DSCAML1: variants seen among roughly 807,000 people sequenced by gnomAD.
DSCAML1 encodes the protein DS cell adhesion molecule like 1.
A neutral mutation model predicts 200.5 loss-of-function variants in DSCAML1; 38 were observed. The observed-to-expected ratio is 0.19, with a 90% CI of 0.15 to 0.25. DSCAML1 has a LOEUF of 0.25. DSCAML1 is among the 10% of genes least tolerant of loss of function. DSCAML1 has a pLI of 1.00. For synonymous variants in DSCAML1, 1,215 were observed against 1,165.0 expected, an observed-to-expected ratio of 1.04 and a Z score of -0.87; for missense variants, 2,223 against 2,858.8, an observed-to-expected ratio of 0.78 and a Z score of 5.07.
chr11:117,576,150 G>A (rs935785455), intron 3 of DSCAML1, among the ~76,000 whole-genome samples: 3 of 152,162 alleles, frequency 2.0e-5, no homozygotes, highest in African/African-American at 4.8e-5. Flanking sequence ...TGAGGCTGCT[G>A]TACCCTTACC....
At chr11:117,473,991 AGGAGAG>A (rs1426232263) in intron 14 of DSCAML1, among the ~76,000 whole-genome samples, 1 of 152,010 alleles carries the variant, frequency 6.6e-6, no homozygotes, top group Non-Finnish European at 1.5e-5. Flanking sequence ...CCATGTTTAT[AGGAGAG>A]GGAGAGGGAG....
At chr11:117,663,541 C>T (rs2052907744) in intron 3 of DSCAML1, among the ~76,000 whole-genome samples, 1 of 151,964 alleles carries the variant, frequency 6.6e-6, no homozygotes, top group African/African-American at 2.4e-5. Flanking sequence ...ACTTCCTGCC[C>T]CTCTCCCACT....
rs2048484765 is a variant in DSCAML1, at chr11:117,461,610, G to A, written c.3266-14C>T. 6.2e-7 allele frequency: 1 copy of A among 1,608,220 alleles called. No homozygotes were observed. Among genetic ancestry groups the A allele is most frequent in the Non-Finnish European group, 8.5e-7 (1 of 1,179,310 alleles). ...GCTGGCTGGGCACTGCAGGGGGTAGGGGGAGAACCAAGGGTCCAGTCAGTC... is the reference window on the plus strand; with the variant it reads ...GCTGGCTGGGCACTGCAGGGGGTAGAGGGAGAACCAAGGGTCCAGTCAGTC... On this transcript the variant is annotated splice_polypyrimidine_tract_variant and intron_variant, in intron 17 of 32. Coordinates refer to ENST00000651296, the MANE Select transcript of DSCAML1 (RefSeq NM_020693.4).
rs547083334 is a variant in DSCAML1 at position 117,547,202 on chromosome 11, A to G, written c.512-14680T>C. Among the ~76,000 whole-genome samples the G allele has an allele frequency of 3.9e-5, 6 of 152,296 alleles. No individual in the cohort carries two copies. The East Asian group carries it at 1.2e-3, about 29-fold the overall frequency. ...AGCCCAGCCGGGGGCGACAGCCTCCAACCCTCCCCAGAGCCCCCACCCCCA... is the reference window on the plus strand; with the variant it reads ...AGCCCAGCCGGGGGCGACAGCCTCCGACCCTCCCCAGAGCCCCCACCCCCA... On this transcript the variant is annotated intron_variant, in intron 3 of 32. Coordinates refer to ENST00000651296, the MANE Select transcript of DSCAML1 (RefSeq NM_020693.4).
chr11:117,496,536 GCACCTT>G (rs1282188435), intron 11 of DSCAML1, among the ~76,000 whole-genome samples: 1 of 152,158 alleles, frequency 6.6e-6, no homozygotes, highest in African/African-American at 2.4e-5. Flanking sequence ...GCATTTCCTG[GCACCTT>G]CACCTTAACT....
intron 11 of DSCAML1, among the ~76,000 whole-genome samples, chr11:117,483,170 C>T (rs189912220): frequency 1.1e-4 from 17 of 152,326 alleles, no homozygotes; most frequent in African/African-American, 3.6e-4. Flanking sequence ...TCAGCTGCAG[C>T]GAAACCCTGT....
rs77251694 is a variant in DSCAML1, at chr11:117,579,162, A to G, written c.512-46640T>C. On this transcript the variant is annotated intron_variant, in intron 3 of 32. Coordinates refer to ENST00000651296, the MANE Select transcript of DSCAML1 (RefSeq NM_020693.4). The stretch of plus-strand genomic sequence containing the variant: ...TCCCCCACCGAGGCTCTGCAGCCCA[A>G]TGTTCTCTCTGCTTCCACTCTTGTC... 6.1e-3 allele frequency among the ~76,000 whole-genome samples: 931 copies of G among 152,212 alleles called. 9 individuals are homozygous for G. Among genetic ancestry groups the G allele is most frequent in the African/African-American group, 0.02 (837 of 41,522 alleles).
At chr11:117,812,033 T>C (rs1191832195) in intron 1 of DSCAML1, among the ~76,000 whole-genome samples, 1 of 152,190 alleles carries the variant, frequency 6.6e-6, no homozygotes. Context: ...GTTCCCTTAT[T>C]AGGCCGAGAT....
chr11:117,627,133 T>C (rs2052063533), intron 3 of DSCAML1, among the ~76,000 whole-genome samples: 1 of 152,206 alleles, frequency 6.6e-6, no homozygotes, highest in Admixed American at 6.5e-5. Flanking sequence ...GCTGGCCACA[T>C]ATTACAAGAG....
chr11:117,590,133 T>C (rs1472496591), intron 3 of DSCAML1, among the ~76,000 whole-genome samples: 5 of 152,218 alleles, frequency 3.3e-5, no homozygotes, highest in African/African-American at 1.2e-4. Flanking sequence ...ATGATATCCA[T>C]GAACCCATGG....
intron 21 of DSCAML1, among the ~76,000 whole-genome samples, chr11:117,440,276 A>G (rs922178288): frequency 1.3e-5 from 2 of 152,234 alleles, no homozygotes; most frequent in African/African-American, 4.8e-5. Flanking sequence ...TGGTAGGTGC[A>G]GGCACGAGGA....
chr11:117,431,405 G>T, intron 31 of DSCAML1, 129 bp downstream of exon 31: 1 of 842,394 alleles, frequency 1.2e-6, no homozygotes, highest in Non-Finnish European at 1.8e-6. Context: ...TGACCAGCTA[G>T]ACATGAAACT....
intron 3 of DSCAML1, among the ~76,000 whole-genome samples, chr11:117,673,927 G>C (rs1321696011): frequency 1.3e-5 from 2 of 152,220 alleles, no homozygotes; most frequent in East Asian, 3.8e-4. Flanking sequence ...GTGCAGGCTG[G>C]AGCTGGCCTG....
At chr11:117,571,090 T>C (rs1317283678) in intron 3 of DSCAML1, among the ~76,000 whole-genome samples, 2 of 152,132 alleles carry the variant, frequency 1.3e-5, no homozygotes, top group Non-Finnish European at 2.9e-5. Context: ...CAAACCTCAT[T>C]ATGGAGACGA....
At chr11:117,470,341 C>T (rs181589080) in intron 15 of DSCAML1, among the ~76,000 whole-genome samples, 2 of 152,092 alleles carry the variant, frequency 1.3e-5, no homozygotes, top group East Asian at 1.9e-4. Context: ...TTTGGGAGGC[C>T]AAGGCGGGCG....
chr11:117,428,060 T>A lies in DSCAML1; in HGVS notation c.*268A>T. The A allele has an allele frequency of 2.7e-6, 1 of 369,976 alleles. No homozygotes were observed. The highest frequency in any genetic ancestry group is 4.9e-6 in the Non-Finnish European group (1 of 205,532). 22.9% of individuals were successfully genotyped at this position (369,976 alleles called of 1,614,324 possible). ...ACGCGTTCCTGTCTGTCTATATATGTATATATATCTCCACACATATTTTGT... is the reference window on the plus strand; with the variant it reads ...ACGCGTTCCTGTCTGTCTATATATGAATATATATCTCCACACATATTTTGT... On this transcript the variant is annotated 3_prime_UTR_variant, in exon 33 of 33. Coordinates refer to ENST00000651296, the MANE Select transcript of DSCAML1 (RefSeq NM_020693.4).
upstream of DSCAML1, among the ~76,000 whole-genome samples, chr11:117,798,538 A>G (rs1230829664): frequency 6.6e-6 from 1 of 152,188 alleles, no homozygotes; most frequent in Non-Finnish European, 1.5e-5. Flanking sequence ...ATGTGCAACC[A>G]TCATCACTTA....
rs1477919487 is a variant in DSCAML1 at position 117,769,510 on chromosome 11, T to A, written c.511+7281A>T. On this transcript the variant is annotated intron_variant, in intron 3 of 32. Transcript: ENST00000651296. ...ATATTTTATATATATAATATATATTTTATATATATTATATATATTTTATAT... is the reference window on the plus strand; with the variant it reads ...ATATTTTATATATATAATATATATTATATATATATTATATATATTTTATAT... 1.8e-4 allele frequency among the ~76,000 whole-genome samples: 15 copies of A among 81,976 alleles called. 1 individual carries two copies. The highest frequency in any genetic ancestry group is 3.0e-4 in the Non-Finnish European group (14 of 46,838). 53.8% of individuals were successfully genotyped at this position (81,976 alleles called of 152,430 possible). A position where few individuals can be genotyped will look rare whatever the true frequency, so the allele number is the denominator to read the frequency against.
intron 3 of DSCAML1, among the ~76,000 whole-genome samples, chr11:117,585,058 T>C (rs557181911): frequency 2.1e-4 from 32 of 152,302 alleles, no homozygotes; most frequent in African/African-American, 7.7e-4. Context: ...ATTTTGACGA[T>C]CTCTGTCCAG....
Sources: gnomAD v4.1 joint callset for allele counts (sites outside exome capture counted in the v4.1 genomes callset) on GRCh38, gnomAD v4.1.1 for gene constraint, MANE v1.5 for transcripts, NCBI Gene and HGNC (gene_info 2026-07-23, HGNC 2026-07-21) for gene names.